SYT6: variants seen among roughly 807,000 people sequenced by gnomAD.
SYT6 encodes the protein synaptotagmin 6.
A neutral mutation model predicts 38.4 loss-of-function variants in SYT6; 24 were observed. That is an observed-to-expected ratio of 0.62 (90% CI 0.45 to 0.88). The LOEUF is 0.88. Ranked by LOEUF, SYT6 falls within the 40% of genes least tolerant of loss-of-function variation. SYT6 has a pLI of 0.00. For synonymous variants in SYT6, 265 were observed against 241.9 expected (o/e 1.10, Z -0.89); for missense variants, 611 against 621.0 (o/e 0.98, Z 0.17).
intron 3 of SYT6, among the ~76,000 whole-genome samples, chr1:114,114,572 C>T (rs894347803): frequency 1.1e-4 from 16 of 152,134 alleles, no homozygotes; most frequent in African/African-American, 3.4e-4. Context: ...CTGAATATTC[C>T]CTGCATTAGA....
intron 3 of SYT6, among the ~76,000 whole-genome samples, chr1:114,124,798 A>G (rs1315166599): frequency 6.6e-6 from 1 of 152,206 alleles, no homozygotes; most frequent in Non-Finnish European, 1.5e-5. Flanking sequence ...GAGTGGCAAC[A>G]TGGGGGAGGG....
At chr1:114,116,112 A>C (rs1287527962) in intron 3 of SYT6, among the ~76,000 whole-genome samples, 1 of 152,152 alleles carries the variant, frequency 6.6e-6, no homozygotes, top group Non-Finnish European at 1.5e-5. Flanking sequence ...AGATGAATGG[A>C]TGGTGTCACC....
intron 3 of SYT6, among the ~76,000 whole-genome samples, chr1:114,127,720 A>G (rs1289020637): frequency 1.3e-5 from 2 of 152,184 alleles, no homozygotes; most frequent in Non-Finnish European, 2.9e-5. Context: ...CTCTTTGGTG[A>G]GAGGTACAAA....
intron 3 of SYT6, among the ~76,000 whole-genome samples, chr1:114,130,186 C>A (rs1230145112): frequency 6.8e-6 from 1 of 146,182 alleles, no homozygotes; most frequent in South Asian, 2.3e-4. Flanking sequence ...CCCAACCCAA[C>A]TTTCCTATCA....
chr1:114,110,454 TG>T (rs1383647404), intron 3 of SYT6, among the ~76,000 whole-genome samples: 1 of 151,946 alleles, frequency 6.6e-6, no homozygotes, highest in African/African-American at 2.4e-5. Context: ...CAGCCAAGAA[TG>T]GAAGGAGAGC....
At position 114,091,710 on chromosome 1, in the gene SYT6, A is replaced by T. The variant is rs112900126; in HGVS notation, c.*424T>A. Reference sequence around the variant, plus strand: ...CTGTACCTTGTATTTTCTAGAACCAACTTCTGGGCTTTCCACCCTTTGTCT... The same window carrying T: ...CTGTACCTTGTATTTTCTAGAACCATCTTCTGGGCTTTCCACCCTTTGTCT... On this transcript the variant is annotated 3_prime_UTR_variant, in exon 8 of 8. Coordinates refer to ENST00000610222, the MANE Select transcript of SYT6 (RefSeq NM_001253772.2). 3 of 261,302 alleles carry T rather than the reference A, an allele frequency of 1.1e-5. No homozygotes were observed. Among genetic ancestry groups the T allele is most frequent in the Non-Finnish European group, 2.1e-5 (3 of 140,388 alleles). 16.2% of individuals were successfully genotyped at this position (261,302 alleles called of 1,614,324 possible).
intron 3 of SYT6, 122 bp from the exon 4 acceptor site, chr1:114,103,843 T>C (rs1676110573): frequency 3.1e-6 from 4 of 1,277,616 alleles, no homozygotes; most frequent in African/African-American, 1.5e-5. Flanking sequence ...CTGTGCTGTG[T>C]TTTTAAGACT....
chr1:114,137,652 T>C lies in SYT6; in HGVS notation c.914A>G (p.Glu305Gly). The C allele has an allele frequency of 6.2e-7, 1 of 1,613,840 alleles. No homozygotes were observed. The highest frequency in any genetic ancestry group is 8.5e-7 in the Non-Finnish European group (1 of 1,179,798). Residue 305 changes from glutamate to glycine, a missense_variant, in exon 3 of 8, where the codon GAG becomes GGG. Physicochemically the swap from Glu to Gly is moderately conservative, Grantham distance 98 (BLOSUM62 -2). Coordinates refer to ENST00000610222, the MANE Select transcript of SYT6 (RefSeq NM_001253772.2). ...DENFHFPVPYEELADRKLHLS... is the reference protein window; with the variant it reads ...DENFHFPVPYGELADRKLHLS... ...ATGCAGCTTGCGGTCAGCCAGCTCC[T>C]CATAGGGCACAGGGAAGTGGAAGTT...
rs576757729 is a variant in SYT6, at chr1:114,135,955, G to A, written c.1071+1540C>T. 2.6e-5 allele frequency among the ~76,000 whole-genome samples: 4 copies of A among 152,264 alleles called. No individual in the cohort carries two copies. In the East Asian group the frequency reaches 5.8e-4, roughly 22 times the overall value. On this transcript the variant is annotated intron_variant, in intron 3 of 7. Transcript: ENST00000610222. ...TTCAGAGTGATTTATGGAGTGGAGC[G>A]CTCGGGCCTGGGGCTGCCACAGAGC...
intron 3 of SYT6, among the ~76,000 whole-genome samples, chr1:114,130,756 G>A (rs558605410): frequency 1.4e-3 from 213 of 152,280 alleles, no homozygotes; most frequent in Non-Finnish European, 2.0e-3. Flanking sequence ...TATGTTCTTT[G>A]AGGGCTCGTT....
intron 4 of SYT6, among the ~76,000 whole-genome samples, chr1:114,101,174 T>C (rs1571822873): frequency 6.6e-6 from 1 of 152,278 alleles, no homozygotes. Flanking sequence ...AGGCATGAGC[T>C]ACTGTGCCTG....
intron 1 of SYT6, among the ~76,000 whole-genome samples, chr1:114,146,415 C>T (rs944942919): frequency 6.6e-6 from 1 of 152,198 alleles, no homozygotes; most frequent in Non-Finnish European, 1.5e-5. Flanking sequence ...CCACTCTGGG[C>T]TTGCTGGGGC....
intron 6 of SYT6, among the ~76,000 whole-genome samples, chr1:114,096,274 G>A (rs1482260406): frequency 1.3e-5 from 2 of 152,104 alleles, no homozygotes; most frequent in African/African-American, 2.4e-5. Context: ...GGAAAAGAGG[G>A]GCAGGGGCTC....
chr1:114,128,078 T>C (rs1442193091), intron 3 of SYT6, among the ~76,000 whole-genome samples: 2 of 152,228 alleles, frequency 1.3e-5, no homozygotes, highest in Non-Finnish European at 2.9e-5. Context: ...CTTCATGCAT[T>C]ATTCAGAGTG....
intron 6 of SYT6, among the ~76,000 whole-genome samples, chr1:114,095,642 G>C (rs1475725196): frequency 6.6e-6 from 1 of 150,860 alleles, no homozygotes; most frequent in Non-Finnish European, 1.5e-5. Context: ...CCAAAGACCA[G>C]AGTGGGGCAG....
rs112333644 is a variant in SYT6, at chr1:114,128,139, G to A, written c.1071+9356C>T. Among the ~76,000 whole-genome samples, 480 of 152,328 alleles carry A rather than the reference G, an allele frequency of 3.2e-3. 4 individuals carry two copies. Among genetic ancestry groups the A allele is most frequent in the African/African-American group, 0.011 (457 of 41,574 alleles). The stretch of plus-strand genomic sequence containing the variant: ...GAGCAGTCTTCATGGGTTTGGGCAG[G>A]CCACCCAGGCCCCCAGACTCAGGCA... On this transcript the variant is annotated intron_variant, in intron 3 of 7. Coordinates refer to ENST00000610222, the MANE Select transcript of SYT6 (RefSeq NM_001253772.2).
chr1:114,119,985 G>A (rs1458045376), intron 3 of SYT6, among the ~76,000 whole-genome samples: 2 of 151,594 alleles, frequency 1.3e-5, no homozygotes, highest in Non-Finnish European at 2.9e-5. Context: ...GCAGGAGAAC[G>A]GCCTGAACCT....
At chr1:114,119,964 G>A (rs1001001967) in intron 3 of SYT6, among the ~76,000 whole-genome samples, 6 of 151,862 alleles carry the variant, frequency 4.0e-5, no homozygotes, top group Non-Finnish European at 8.8e-5. Context: ...CCAGCTACTC[G>A]GGCGGCTGAG....
intron 2 of SYT6, 114 bp downstream of exon 2, chr1:114,139,501 A>C: frequency 4.8e-6 from 7 of 1,449,376 alleles, no homozygotes; most frequent in Non-Finnish European, 6.5e-6. Context: ...TTTGTCAATC[A>C]AAGGATATGT....
Sources: gnomAD v4.1 joint callset for allele counts (sites outside exome capture counted in the v4.1 genomes callset) on GRCh38, gnomAD v4.1.1 for gene constraint, MANE v1.5 for transcripts, NCBI Gene and HGNC (gene_info 2026-07-23, HGNC 2026-07-21) for gene names.